FBXW7: variants seen among roughly 807,000 people sequenced by gnomAD.
FBXW7 encodes the protein F-box/WD repeat-containing protein 7.
Under a neutral mutation model 86.3 loss-of-function variants are expected in FBXW7, and 11 were observed. The ratio of observed to expected loss-of-function variants is 0.13; its 90% CI spans 0.08 to 0.21. The LOEUF is 0.21. Ranked by LOEUF, FBXW7 falls within the 10% of genes least tolerant of loss-of-function variation. The pLI, the probability that FBXW7 is intolerant of heterozygous loss-of-function variation, is 1.00. For synonymous variants in FBXW7, 313 were observed against 297.9 expected, an observed-to-expected ratio of 1.05 and a Z score of -0.52; for missense variants, 488 against 847.4, an observed-to-expected ratio of 0.58 and a Z score of 5.27.
At chr4:152,400,703 A>G (rs1579097527) in intron 4 of FBXW7, among the ~76,000 whole-genome samples, 1 of 152,202 alleles carries the variant, frequency 6.6e-6, no homozygotes, top group African/African-American at 2.4e-5. Context: ...CATGAAAGAA[A>G]TAATTCATAA....
intron 11 of FBXW7, among the ~76,000 whole-genome samples, chr4:152,327,132 A>C (rs1195235501): frequency 6.6e-6 from 1 of 152,050 alleles, no homozygotes; most frequent in Non-Finnish European, 1.5e-5. Flanking sequence ...ATTTTAAAAA[A>C]GTAGATAATT....
chr4:152,460,442 A>T (rs1317968093), intron 2 of FBXW7, among the ~76,000 whole-genome samples: 1 of 152,224 alleles, frequency 6.6e-6, no homozygotes, highest in Non-Finnish European at 1.5e-5. Context: ...TTCCTCCTGT[A>T]GATGGTACTT....
intron 4 of FBXW7, among the ~76,000 whole-genome samples, chr4:152,375,211 A>T (rs1734387323): frequency 1.3e-5 from 2 of 152,022 alleles, no homozygotes; most frequent in Non-Finnish European, 2.9e-5. Context: ...CTAGCATGAG[A>T]AGTACTCTTA....
In FBXW7 at chr4:152,347,084, AAAAAAG is replaced by A. The variant is rs2126636856; in HGVS notation, c.585-19_585-14del. The A allele has an allele frequency of 6.3e-7, 1 of 1,586,616 alleles. No individual in the cohort carries two copies. Among genetic ancestry groups the A allele is most frequent in the South Asian group, 1.2e-5 (1 of 85,416 alleles). On this transcript the variant is annotated splice_polypyrimidine_tract_variant and intron_variant, in intron 5 of 13. Coordinates refer to ENST00000281708, the MANE Select transcript of FBXW7 (RefSeq NM_001349798.2). ...AAGCCCAGTGGTACTACAAAAAAAA[AAAAAAG>A]AGAGAGAGAAAGGATAAAAGGAAAA...
At chr4:152,394,888 C>A (rs924098462) in intron 4 of FBXW7, among the ~76,000 whole-genome samples, 1 of 151,962 alleles carries the variant, frequency 6.6e-6, no homozygotes, top group Non-Finnish European at 1.5e-5. Flanking sequence ...TTGAAAATCC[C>A]CCCGTAGTTT....
chr4:152,475,151 T>C (rs1428764075), intron 2 of FBXW7, among the ~76,000 whole-genome samples: 1 of 150,514 alleles, frequency 6.6e-6, no homozygotes, highest in East Asian at 1.9e-4. Context: ...ATAATAATGA[T>C]AATAAGAGGC....
chr4:152,330,649 T>C (rs1480445696), intron 9 of FBXW7, 83 bp downstream of exon 9: 3 of 1,248,350 alleles, frequency 2.4e-6, no homozygotes, highest in Non-Finnish European at 3.2e-6. Flanking sequence ...GAGTGTCATA[T>C]TATACAGTTT....
intron 3 of FBXW7, 92 bp from the exon 4 acceptor site, chr4:152,411,964 A>G (rs1738004591): frequency 2.5e-6 from 3 of 1,206,962 alleles, no homozygotes; most frequent in African/African-American, 1.5e-5. Context: ...AATATCATTA[A>G]TGATTGCAAA....
chr4:152,323,842 A>C (rs1290321177), intron 13 of FBXW7: 1 of 189,432 alleles, frequency 5.3e-6, no homozygotes, highest in African/African-American at 2.4e-5. Flanking sequence ...TTAAAATTGG[A>C]CTACAAATTC....
At chr4:152,393,863 G>T (rs1736195656) in intron 4 of FBXW7, among the ~76,000 whole-genome samples, 1 of 152,036 alleles carries the variant, frequency 6.6e-6, no homozygotes, top group Admixed American at 6.6e-5. Flanking sequence ...AGGTACGTTT[G>T]AATAAAACAG....
chr4:152,424,432 C>A (rs1232905922), intron 2 of FBXW7, among the ~76,000 whole-genome samples: 4 of 152,042 alleles, frequency 2.6e-5, no homozygotes, highest in East Asian at 3.9e-4. Flanking sequence ...GACACTAAAC[C>A]AAACATCCAA....
intron 2 of FBXW7, among the ~76,000 whole-genome samples, chr4:152,513,714 G>T (rs1302331632): frequency 1.3e-5 from 2 of 152,158 alleles, no homozygotes; most frequent in African/African-American, 4.8e-5. Flanking sequence ...TAATGAAAAT[G>T]TATAAAAATG....
chr4:152,402,643 TTCACA>T (rs1219493656), intron 4 of FBXW7, among the ~76,000 whole-genome samples: 1 of 152,228 alleles, frequency 6.6e-6, no homozygotes, highest in Non-Finnish European at 1.5e-5. Context: ...TTAACCTCTC[TTCACA>T]TATTTCTCAT....
intron 6 of FBXW7, 105 bp downstream of exon 6, chr4:152,346,825 C>T: frequency 7.0e-7 from 1 of 1,429,572 alleles, no homozygotes; most frequent in Non-Finnish European, 9.5e-7. Context: ...AATTCATCCA[C>T]AGTATACTAT....
At chr4:152,433,490 C>T (rs757580956) in intron 2 of FBXW7, among the ~76,000 whole-genome samples, 4 of 152,140 alleles carry the variant, frequency 2.6e-5, no homozygotes, top group African/African-American at 4.8e-5. Flanking sequence ...CATGTATTAA[C>T]CCTTCTCATA....
intron 4 of FBXW7, among the ~76,000 whole-genome samples, chr4:152,367,925 GA>G (rs963780214): frequency 2.0e-5 from 3 of 151,614 alleles, no homozygotes; most frequent in East Asian, 3.9e-4. Context: ...ATATAAAGAA[GA>G]AAAAAACTGG....
At chr4:152,527,480 C>CA (rs1198245108) in intron 2 of FBXW7, among the ~76,000 whole-genome samples, 1 of 152,204 alleles carries the variant, frequency 6.6e-6, no homozygotes, top group Non-Finnish European at 1.5e-5. Flanking sequence ...AAAATACACA[C>CA]ACTCTGACCG....
chr4:152,387,019 C>T (rs1735582568), intron 4 of FBXW7, among the ~76,000 whole-genome samples: 1 of 152,132 alleles, frequency 6.6e-6, no homozygotes, highest in Non-Finnish European at 1.5e-5. Flanking sequence ...TTAACTGCTC[C>T]TGACCAAAGC....
At chr4:152,532,794 T>A (rs1247936070) in intron 2 of FBXW7, among the ~76,000 whole-genome samples, 2 of 152,354 alleles carry the variant, frequency 1.3e-5, no homozygotes, top group African/African-American at 4.8e-5. Context: ...TTGTGCAATT[T>A]GTGTTTGATT....
Sources: allele counts gnomAD v4.1 joint callset (sites outside exome capture counted in the v4.1 genomes callset), GRCh38; gene constraint gnomAD v4.1.1; transcripts MANE v1.5; gene names NCBI Gene and HGNC (gene_info 2026-07-23, HGNC 2026-07-21).